The following NBPF9 variants were observed in gnomAD, a reference collection of about 807,000 sequenced individuals.
The protein encoded by NBPF9 is NBPF family member NBPF9.
A neutral mutation model predicts 97.8 loss-of-function variants in NBPF9; 91 were observed. The ratio of observed to expected loss-of-function variants is 0.93; its 90% CI spans 0.79 to 1.11. The LOEUF is 1.11. Ranked by LOEUF, NBPF9 falls within the 50% of genes least tolerant of loss-of-function variation. NBPF9 has a pLI of 0.00. For synonymous variants in NBPF9, 334 were observed against 359.5 expected (o/e 0.93, Z 0.80); for missense variants, 992 against 939.5 (o/e 1.06, Z -0.73).
intron 24 of NBPF9, 144 bp downstream of exon 24, chr1:149,060,379 A>T: frequency 2.2e-6 from 1 of 444,574 alleles, no homozygotes; most frequent in Admixed American, 3.5e-5. Flanking sequence ...GTAGAACTAG[A>T]GTTTCATTCA....
At chr1:149,062,413 G>C (rs2078677844) in intron 21 of NBPF9, 148 bp from the exon 22 acceptor site, 1 of 680,570 alleles carries the variant, frequency 1.5e-6, no homozygotes, top group Non-Finnish European at 2.7e-6. Context: ...CCTTTAGGTT[G>C]GGATAGACCA....
chr1:149,055,273 C>G, exon 30 of NBPF9: 1 of 353,556 alleles, frequency 2.8e-6, no homozygotes, highest in Non-Finnish European at 5.2e-6. Context: ...TCATTGAAAC[C>G]AGGGTAACAC....
At chr1:149,101,721 C>CTT (rs1263069961) in intron 2 of NBPF9, among the ~76,000 whole-genome samples, 59 of 152,020 alleles carry the variant, frequency 3.9e-4, no homozygotes, top group African/African-American at 1.3e-3. Context: ...TGACAGGCAT[C>CTT]AGCAAGGATG....
At chr1:149,072,590 C>A in intron 14 of NBPF9, 128 bp downstream of exon 14, 1 of 1,432,468 alleles carries the variant, frequency 7.0e-7, no homozygotes, top group South Asian at 1.2e-5. Flanking sequence ...AAGTCCTTGT[C>A]ATGTCATGGC....
intron 14 of NBPF9, 91 bp downstream of exon 14, chr1:149,072,627 C>G: frequency 6.7e-7 from 1 of 1,500,004 alleles, no homozygotes; most frequent in African/African-American, 1.4e-5. Context: ...AAAAAAACAC[C>G]ATTGATACAA....
At chr1:149,101,746 T>C (rs2082156815) in intron 2 of NBPF9, among the ~76,000 whole-genome samples, 1 of 152,086 alleles carries the variant, frequency 6.6e-6, no homozygotes. Context: ...GTAACCAGAA[T>C]ATCCCTGCTA....
chr1:149,062,882 G>T (rs1325553682), exon 21 of NBPF9: 7 of 761,276 alleles, frequency 9.2e-6, no homozygotes, highest in East Asian at 7.4e-5. Context: ...ATGGGTCTTG[G>T]TCTTCTTCCA....
exon 30 of NBPF9, chr1:149,054,841 G>C (rs1301890583): frequency 2.0e-5 from 3 of 152,142 alleles, no homozygotes; most frequent in African/African-American, 7.2e-5. Context: ...AGACAGGTCA[G>C]TTGTCCTGCT....
At position 149,068,410 on chromosome 1, in the gene NBPF9, C is replaced by A. The variant is rs1486870746; in HGVS notation, c.1637+1184G>T. The stretch of plus-strand genomic sequence containing the variant: ...TCACATGCAGAGACACACATAGGCT[C>A]AAAATAAAGGGATGGAGGAAGATCT... On this transcript the variant is annotated intron_variant, in intron 17 of 29. Coordinates refer to ENST00000584027, the Ensembl canonical transcript of NBPF9. Among the ~76,000 whole-genome samples, 89 of 149,686 alleles carry A rather than the reference C, an allele frequency of 5.9e-4. 1 individual carries two copies. Among genetic ancestry groups the A allele is most frequent in the Middle Eastern group, 3.5e-3 (1 of 288 alleles).
At chr1:149,075,011 C>T (rs1256052072) in intron 12 of NBPF9, among the ~76,000 whole-genome samples, 12 of 151,232 alleles carry the variant, frequency 7.9e-5, no homozygotes, top group African/African-American at 2.4e-4. Context: ...GGGGTTTCTC[C>T]ATGTTGCCCA....
At chr1:149,074,145 C>T (rs1449707471) in intron 12 of NBPF9, among the ~76,000 whole-genome samples, 1 of 151,240 alleles carries the variant, frequency 6.6e-6, no homozygotes, top group Non-Finnish European at 1.5e-5. Context: ...ATTCACAGTC[C>T]CTGAGGTCTG....
intron 17 of NBPF9, chr1:149,066,000 C>T (rs1227049947): frequency 1.7e-5 from 9 of 531,434 alleles, no homozygotes; most frequent in African/African-American, 3.8e-5. Context: ...GCTTCAACTA[C>T]TTTGCATAAA....
At position 149,074,701 on chromosome 1, in the gene NBPF9, G is replaced by A. The variant is rs587610617; in HGVS notation, c.989-831C>T. 4.6e-5 allele frequency among the ~76,000 whole-genome samples: 7 copies of A among 151,424 alleles called. 1 individual carries two copies. Among genetic ancestry groups the A allele is most frequent in the Middle Eastern group, 3.4e-3 (1 of 292 alleles). The stretch of plus-strand genomic sequence containing the variant: ...TGCACTGCTATCTCCACACATTCTC[G>A]GGTGCGAACTTTCTTCCTCTTTAGC... On this transcript the variant is annotated intron_variant, in intron 12 of 29. Transcript: ENST00000584027.
At chr1:149,068,588 A>G (rs587695749) in intron 17 of NBPF9, among the ~76,000 whole-genome samples, 1 of 151,742 alleles carries the variant, frequency 6.6e-6, no homozygotes, top group African/African-American at 2.4e-5. Flanking sequence ...TATCCTAAAT[A>G]TATATGCACC....
At chr1:149,103,213 C>A (rs1379611284) in intron 1 of NBPF9, 88 bp downstream of exon 1, 1 of 150,132 alleles carries the variant, frequency 6.7e-6, no homozygotes, top group Non-Finnish European at 1.5e-5. Context: ...TCGCTCGCAA[C>A]AAAGCTTGCG....
rs587714221 is a variant in NBPF9, at chr1:149,084,499, G to A, written c.-194-2069C>T. On this transcript the variant is annotated intron_variant, in intron 5 of 29. Transcript: ENST00000584027. ...ACTGCACAGCTAGCAGAGTCGTGGC[G>A]AGGAGGACAGCACCTGCATCGAGCT... 7.5e-4 allele frequency among the ~76,000 whole-genome samples: 111 copies of A among 147,874 alleles called. 1 individual carries two copies. The highest frequency in any genetic ancestry group is 3.8e-3 in the Admixed American group (57 of 14,834).
chr1:149,060,568 A>G (rs1163844719), exon 24 of NBPF9: 1 of 384,532 alleles, frequency 2.6e-6, no homozygotes, highest in Non-Finnish European at 4.6e-6. Flanking sequence ...TCCAATGCAT[A>G]AAAGGAACTT....
chr1:149,073,607 C>A (rs1361863667), intron 13 of NBPF9, among the ~76,000 whole-genome samples, 161 bp downstream of exon 13: 1 of 149,658 alleles, frequency 6.7e-6, no homozygotes, highest in Non-Finnish European at 1.5e-5. Flanking sequence ...TTTTTATTAT[C>A]CTTCTTCTCT....
At chr1:149,055,788 G>C in exon 30 of NBPF9, 2 of 1,611,428 alleles carry the variant, frequency 1.2e-6, no homozygotes, top group Non-Finnish European at 1.7e-6. Context: ...CACTTCTGTA[G>C]TGCTGGAATG....
Sources: allele counts gnomAD v4.1 joint callset (sites outside exome capture counted in the v4.1 genomes callset), GRCh38; gene constraint gnomAD v4.1.1; transcripts MANE v1.5; gene names NCBI Gene and HGNC (gene_info 2026-07-23, HGNC 2026-07-21).